Variants in COX6C observed in about 807,000 individuals in gnomAD.
COX6C encodes the protein cytochrome c oxidase polypeptide VIc.
Under a neutral mutation model 6.9 loss-of-function variants are expected in COX6C, and 3 were observed. That is an observed-to-expected ratio of 0.43 (90% CI 0.20 to 1.12). The LOEUF is 1.12. Ranked by LOEUF, COX6C falls within the 50% of genes most tolerant of loss-of-function variation. The pLI is 0.27. For missense variants in COX6C, 101 were observed against 97.3 expected, an observed-to-expected ratio of 1.04 and a Z score of -0.16; for synonymous variants, 32 against 32.0, an observed-to-expected ratio of 1.00 and a Z score of 0.00.
chr8:99,892,801 C>T (rs114481076), intron 1 of COX6C, among the ~76,000 whole-genome samples: 5,780 of 152,256 alleles, frequency 0.038, 135 homozygotes, highest in Middle Eastern at 0.061. Flanking sequence ...AGCAGTAGCT[C>T]CGCATTGGTA....
chr8:99,889,757 G>T (rs776481882), intron 2 of COX6C, among the ~76,000 whole-genome samples: 1 of 151,936 alleles, frequency 6.6e-6, no homozygotes, highest in African/African-American at 2.4e-5. Context: ...AACTTCCTGA[G>T]TAGCTAGGGC....
chr8:99,879,047 G>A (rs1205576003), intron 3 of COX6C, among the ~76,000 whole-genome samples: 2 of 152,156 alleles, frequency 1.3e-5, no homozygotes, highest in African/African-American at 2.4e-5. Flanking sequence ...CATTCTCTGT[G>A]TCACAGCAAA....
Position 99,887,548 on chromosome 8 carries a change from A to T in COX6C, c.185T>A (p.Phe62Tyr), listed in dbSNP as rs1817962509. 2 of 1,610,202 alleles carry T rather than the reference A, an allele frequency of 1.2e-6. No homozygotes were observed. The highest frequency in any genetic ancestry group is 1.7e-6 in the Non-Finnish European group (2 of 1,178,644). ...GATACCAGCCTTCCTCATCTCCTCAAAATCTTTCATGACATCGTAGTTTCT... is the reference window on the plus strand; with the variant it reads ...GATACCAGCCTTCCTCATCTCCTCATAATCTTTCATGACATCGTAGTTTCT... ...FYRNYDVMKD[F>Y]EEMRKAGIFQ... Residue 62 changes from phenylalanine to tyrosine, a missense_variant, in exon 3 of 4, where the codon TTT becomes TAT. Coordinates refer to ENST00000520468, the MANE Select transcript of COX6C (RefSeq NM_004374.4).
At chr8:99,893,614 G>A (rs1406165332) in intron 1 of COX6C, 25 bp downstream of exon 1, 2 of 152,354 alleles carry the variant, frequency 1.3e-5, no homozygotes, top group African/African-American at 4.8e-5. Flanking sequence ...TGTCGGGGTA[G>A]GGATGCAAAA....
chr8:99,888,034 T>C (rs2131008394), intron 2 of COX6C, among the ~76,000 whole-genome samples: 1 of 145,700 alleles, frequency 6.9e-6, no homozygotes, highest in South Asian at 2.2e-4. Context: ...GAGGTTGCAG[T>C]GAGCCGAGAT....
At chr8:99,888,274 TAAAATC>T (rs1204958129) in intron 2 of COX6C, among the ~76,000 whole-genome samples, 1 of 151,876 alleles carries the variant, frequency 6.6e-6, no homozygotes, top group African/African-American at 2.4e-5. Flanking sequence ...TTCCCAGTAA[TAAAATC>T]AAGAGGCAGA....
chr8:99,880,899 G>A (rs1588825704), intron 3 of COX6C, among the ~76,000 whole-genome samples: 1 of 152,074 alleles, frequency 6.6e-6, no homozygotes, highest in South Asian at 2.1e-4. Flanking sequence ...CAAAAATGAA[G>A]GAGAAATTCC....
At chr8:99,885,509 G>A (rs886915717) in intron 3 of COX6C, among the ~76,000 whole-genome samples, 3 of 152,094 alleles carry the variant, frequency 2.0e-5, no homozygotes, top group South Asian at 2.1e-4. Flanking sequence ...ATAAACTCTC[G>A]CATTTAGAGT....
intron 1 of COX6C, chr8:99,893,026 G>A (rs1050365759): frequency 2.6e-5 from 4 of 152,138 alleles, no homozygotes; most frequent in African/African-American, 4.8e-5. Flanking sequence ...AAGACCTAAG[G>A]GGCCTAAAAA....
intron 2 of COX6C, among the ~76,000 whole-genome samples, chr8:99,887,855 T>G (rs1429345830): frequency 6.6e-6 from 1 of 152,176 alleles, no homozygotes; most frequent in Non-Finnish European, 1.5e-5. Context: ...TGTTCGAGGT[T>G]TCCGTACACA....
In COX6C at chr8:99,881,664, A is replaced by G. The variant is rs77274061; in HGVS notation, c.*16-3399T>C. ...ATAAAAGGAAAGACTGAAACATGTC[A>G]CTATAAAATAAAAGAGTGAGGAAAG... On this transcript the variant is annotated intron_variant, in intron 3 of 3. Transcript: ENST00000520468. Among the ~76,000 whole-genome samples, 464 of 152,346 alleles carry G rather than the reference A, an allele frequency of 3.0e-3. 16 individuals are homozygous for G. In the East Asian group the frequency reaches 0.076, roughly 25 times the overall value.
rs183109746 is a variant in COX6C, at chr8:99,889,907, C to T, written c.114+2001G>A. 3.9e-3 allele frequency among the ~76,000 whole-genome samples: 588 copies of T among 151,576 alleles called. 1 individual carries two copies. Among genetic ancestry groups the T allele is most frequent in the African/African-American group, 0.013 (539 of 41,412 alleles). ...AGATGGGAGACCATCCTGGCTAACA[C>T]GGTGAAACCCCGTCTCTACTAAAAA... On this transcript the variant is annotated intron_variant, in intron 2 of 3. Transcript: ENST00000520468.
At chr8:99,887,858 C>T (rs1293668120) in intron 2 of COX6C, among the ~76,000 whole-genome samples, 1 of 151,896 alleles carries the variant, frequency 6.6e-6, no homozygotes, top group Non-Finnish European at 1.5e-5. Flanking sequence ...TCGAGGTTTC[C>T]GTACACAAAG....
intron 3 of COX6C, 41 bp from the exon 4 acceptor site, chr8:99,878,306 T>A (rs1027312196): frequency 1.3e-5 from 2 of 152,134 alleles, no homozygotes; most frequent in Admixed American, 6.5e-5. Context: ...AGATAAACAC[T>A]CTCTCAATAC....
intron 3 of COX6C, among the ~76,000 whole-genome samples, chr8:99,880,081 T>C (rs1211917653): frequency 1.3e-5 from 2 of 152,154 alleles, no homozygotes; most frequent in African/African-American, 4.8e-5. Flanking sequence ...CCAGGGAAGA[T>C]GGCATCCCCA....
At chr8:99,879,196 G>A (rs901500671) in intron 3 of COX6C, among the ~76,000 whole-genome samples, 1 of 152,128 alleles carries the variant, frequency 6.6e-6, no homozygotes, top group African/African-American at 2.4e-5. Context: ...CAGTTTAGAT[G>A]ACTTTCCATC....
chr8:99,889,412 T>C (rs1817999788), intron 2 of COX6C, among the ~76,000 whole-genome samples: 1 of 143,538 alleles, frequency 7.0e-6, no homozygotes, highest in African/African-American at 2.6e-5. Context: ...TGAGACAGAG[T>C]CTCGCTCTTG....
At chr8:99,884,789 A>G (rs902753157) in intron 3 of COX6C, among the ~76,000 whole-genome samples, 3 of 152,218 alleles carry the variant, frequency 2.0e-5, no homozygotes, top group Non-Finnish European at 4.4e-5. Flanking sequence ...AGGCATAGTA[A>G]GAGAGTAGCA....
chr8:99,887,832 G>A (rs557377292), intron 2 of COX6C, among the ~76,000 whole-genome samples: 5 of 152,296 alleles, frequency 3.3e-5, no homozygotes, highest in Admixed American at 2.0e-4. Context: ...GGAATAAGGT[G>A]TCTATTTTGT....
Sources: allele counts gnomAD v4.1 joint callset (sites outside exome capture counted in the v4.1 genomes callset), GRCh38; gene constraint gnomAD v4.1.1; transcripts MANE v1.5; gene names NCBI Gene and HGNC (gene_info 2026-07-23, HGNC 2026-07-21).